The following ADAMTS16 variants were observed in gnomAD, a reference collection of about 807,000 sequenced individuals.
The protein encoded by ADAMTS16 is ADAM metallopeptidase with thrombospondin type 1 motif 16, also known as A disintegrin and metalloproteinase with thrombospondin motifs 16.
Under a neutral mutation model 145.8 loss-of-function variants are expected in ADAMTS16, and 94 were observed. That is an observed-to-expected ratio of 0.64 (90% CI 0.55 to 0.77). ADAMTS16 has a LOEUF of 0.77. ADAMTS16 is among the 30% of genes least tolerant of loss of function. ADAMTS16 has a pLI of 0.00. For synonymous variants in ADAMTS16, 659 were observed against 604.3 expected, an observed-to-expected ratio of 1.09 and a Z score of -1.33; for missense variants, 1,585 against 1,591.5, an observed-to-expected ratio of 1.00 and a Z score of 0.07.
At chr5:5,274,177 T>G (rs1215180148) in intron 18 of ADAMTS16, among the ~76,000 whole-genome samples, 1 of 152,164 alleles carries the variant, frequency 6.6e-6, no homozygotes, top group African/African-American at 2.4e-5. Flanking sequence ...GTGCTCCATT[T>G]GTAAAAATTT....
At chr5:5,256,040 G>A (rs1412071452) in intron 17 of ADAMTS16, among the ~76,000 whole-genome samples, 1 of 152,124 alleles carries the variant, frequency 6.6e-6, no homozygotes, top group Non-Finnish European at 1.5e-5. Context: ...CCTGCTACCT[G>A]ATCTTCTTTT....
intron 18 of ADAMTS16, among the ~76,000 whole-genome samples, chr5:5,265,301 C>T (rs1198110616): frequency 1.3e-5 from 2 of 152,266 alleles, no homozygotes; most frequent in South Asian, 4.1e-4. Context: ...AACTCACCTT[C>T]GATCAGCAGA....
intron 3 of ADAMTS16, among the ~76,000 whole-genome samples, chr5:5,170,301 C>T (rs1735010833): frequency 6.6e-6 from 1 of 152,092 alleles, no homozygotes; most frequent in African/African-American, 2.4e-5. Context: ...TTTTCGTATA[C>T]CTGTTTGCCA....
At position 5,240,369 on chromosome 5, in the gene ADAMTS16, G is replaced by A. The variant is rs183751519; in HGVS notation, c.2523+444G>A. Among the ~76,000 whole-genome samples the A allele has an allele frequency of 1.8e-4, 27 of 152,284 alleles. No individual in the cohort carries two copies. The East Asian group carries it at 4.1e-3, about 23-fold the overall frequency. On this transcript the variant is annotated intron_variant, in intron 16 of 22. Coordinates refer to ENST00000274181, the MANE Select transcript of ADAMTS16 (RefSeq NM_139056.4). ...CCTGTGTCACAGCATTGACCTTGGCGGGCCACAGCTCCGCAGTCACATCAA... is the reference window on the plus strand; with the variant it reads ...CCTGTGTCACAGCATTGACCTTGGCAGGCCACAGCTCCGCAGTCACATCAA...
intron 12 of ADAMTS16, among the ~76,000 whole-genome samples, chr5:5,233,247 G>C (rs1274665571): frequency 2.0e-5 from 3 of 152,192 alleles, no homozygotes; most frequent in African/African-American, 7.2e-5. Context: ...CACAACAGGA[G>C]GTTTAACTGC....
At chr5:5,187,061 C>A (rs537693373) in intron 5 of ADAMTS16, among the ~76,000 whole-genome samples, 4 of 152,332 alleles carry the variant, frequency 2.6e-5, no homozygotes, top group Non-Finnish European at 2.9e-5. Context: ...GCCACCTTCC[C>A]GCTGCACGGG....
intron 11 of ADAMTS16, 174 bp downstream of exon 11, chr5:5,223,058 C>T: frequency 1.8e-6 from 1 of 554,716 alleles, no homozygotes; most frequent in Non-Finnish European, 3.1e-6. Flanking sequence ...GAAGAGGAAT[C>T]CTTTTCTCAC....
chr5:5,184,096 C>T (rs566514528), intron 4 of ADAMTS16, among the ~76,000 whole-genome samples: 3 of 152,154 alleles, frequency 2.0e-5, no homozygotes, highest in South Asian at 2.1e-4. Flanking sequence ...GCCCAGGCCC[C>T]GGAAAAGTGA....
chr5:5,254,445 T>C (rs1031878384), intron 17 of ADAMTS16, among the ~76,000 whole-genome samples: 8 of 152,190 alleles, frequency 5.3e-5, no homozygotes, highest in Non-Finnish European at 1.0e-4. Flanking sequence ...ATGTTTCCCA[T>C]AATGCTAGCT....
intron 17 of ADAMTS16, 24 bp downstream of exon 17, chr5:5,242,215 C>A (rs745893924): frequency 1.2e-6 from 2 of 1,610,960 alleles, no homozygotes; most frequent in South Asian, 2.2e-5. Flanking sequence ...AGTGCTGCTC[C>A]TGGAGGCAGC....
Position 5,303,558 on chromosome 5 carries a change from A to G in ADAMTS16, c.2992-14A>G. ...TGGCCCTCACTGGGTGCTTATCCTG[A>G]CTGTTCTGTGCAGTGCTCACACACC... is the stretch of plus-strand genomic sequence containing the variant. On this transcript the variant is annotated splice_polypyrimidine_tract_variant and intron_variant, in intron 19 of 22. Transcript: ENST00000274181. The G allele has an allele frequency of 6.2e-7, 1 of 1,613,086 alleles. No homozygotes were observed. The highest frequency in any genetic ancestry group is 8.5e-7 in the Non-Finnish European group (1 of 1,179,254).
intron 3 of ADAMTS16, among the ~76,000 whole-genome samples, chr5:5,169,381 AC>A (rs930504573): frequency 1.3e-5 from 2 of 152,058 alleles, no homozygotes; most frequent in Non-Finnish European, 2.9e-5. Flanking sequence ...ACCTAGGAGG[AC>A]CCCCACATTC....
At chr5:5,178,299 G>A (rs1735250839) in intron 3 of ADAMTS16, among the ~76,000 whole-genome samples, 1 of 152,226 alleles carries the variant, frequency 6.6e-6, no homozygotes, top group Non-Finnish European at 1.5e-5. Context: ...CCTTTGCAAA[G>A]CCTGAAGGAC....
intron 17 of ADAMTS16, among the ~76,000 whole-genome samples, chr5:5,255,868 C>T (rs1033885395): frequency 6.6e-6 from 1 of 152,182 alleles, no homozygotes; most frequent in Non-Finnish European, 1.5e-5. Flanking sequence ...TTTCTAACAT[C>T]CTAATTAAAA....
chr5:5,249,570 C>T (rs952088178), intron 17 of ADAMTS16, among the ~76,000 whole-genome samples: 9 of 152,188 alleles, frequency 5.9e-5, no homozygotes, highest in East Asian at 1.9e-4. Flanking sequence ...TCCTGCGTGG[C>T]GGAAGCAGGC....
chr5:5,304,269 G>A (rs866574422), intron 20 of ADAMTS16, among the ~76,000 whole-genome samples: 9 of 152,182 alleles, frequency 5.9e-5, no homozygotes, highest in African/African-American at 1.9e-4. Flanking sequence ...TCGATCACCT[G>A]TTGCTGCAGG....
intron 16 of ADAMTS16, 64 bp from the exon 17 acceptor site, chr5:5,241,989 G>A (rs942066297): frequency 2.2e-5 from 35 of 1,576,050 alleles, no homozygotes; most frequent in Admixed American, 3.4e-5. Flanking sequence ...TCTAAATCCC[G>A]TTAGCATGTA....
intron 2 of ADAMTS16, among the ~76,000 whole-genome samples, chr5:5,144,126 A>AAC (rs71995091): frequency 2.8e-3 from 139 of 49,050 alleles, no homozygotes; most frequent in African/African-American, 0.011. Context: ...AAATTATAAC[A>AAC]AAAAAAAAAT....
In ADAMTS16 at chr5:5,320,099, G is replaced by A. The variant is rs114355583; in HGVS notation, c.*961G>A. 1 of 346,562 alleles carries A rather than the reference G, an allele frequency of 2.9e-6. No individual in the cohort carries two copies. Among genetic ancestry groups the A allele is most frequent in the South Asian group, 2.2e-5 (1 of 45,824 alleles). 21.5% of individuals were successfully genotyped at this position (346,562 alleles called of 1,614,324 possible). On this transcript the variant is annotated 3_prime_UTR_variant, in exon 23 of 23. Transcript: ENST00000274181. The surrounding 1 kb of genome is among the most constrained non-coding windows in gnomAD (Gnocchi z 5.1). The stretch of plus-strand genomic sequence containing the variant: ...TGAGATTTTAATCTTTTTTTTTTCG[G>A]TGAGTCTGGCCATTTCTATAATGCC...
Sources: gnomAD v4.1 joint callset for allele counts (sites outside exome capture counted in the v4.1 genomes callset) on GRCh38, gnomAD v4.1.1 for gene constraint, Gnocchi (gnomAD v3.1) non-coding constraint, MANE v1.5 for transcripts, NCBI Gene and HGNC (gene_info 2026-07-23, HGNC 2026-07-21) for gene names.